Variants in IL33 observed in about 807,000 individuals in gnomAD.
The protein encoded by IL33 is interleukin 33.
A neutral mutation model predicts 27.3 loss-of-function variants in IL33; 37 were observed. The ratio of observed to expected loss-of-function variants is 1.36; its 90% CI spans 1.04 to 1.78. The LOEUF (loss-of-function observed/expected upper bound fraction) is 1.78. Ranked by LOEUF, IL33 falls within the 40% of genes most tolerant of loss-of-function variation. The probability of loss-of-function intolerance (pLI) is 0.00; values close to 1 mark genes in which losing one functional copy is unlikely to be tolerated. For missense variants in IL33, 406 were observed against 311.4 expected, an observed-to-expected ratio of 1.30 and a Z score of -2.29; for synonymous variants, 132 against 102.9, an observed-to-expected ratio of 1.28 and a Z score of -1.71.
At position 6,254,525 on chromosome 9, in the gene IL33, A is replaced by C; in HGVS notation, c.584A>C (p.His195Pro). The C allele has an allele frequency of 6.3e-7, 1 of 1,596,198 alleles. No homozygotes were observed. Among genetic ancestry groups the C allele is most frequent in the Non-Finnish European group, 8.6e-7 (1 of 1,169,326 alleles). ...TLSPTKDFWL[H>P]ANNKEHSVEL... ...AGTCCTACAAAAGACTTCTGGTTGCATGCCAACAACAAGGAACACTCTGTG... is the reference window on the plus strand; with the variant it reads ...AGTCCTACAAAAGACTTCTGGTTGCCTGCCAACAACAAGGAACACTCTGTG... The change falls in exon 7 of 8, where the codon CAT becomes CCT. Residue 195 changes from histidine to proline, a missense_variant. Coordinates refer to ENST00000682010, the MANE Select transcript of IL33 (RefSeq NM_033439.4).
At chr9:6,253,309 C>G (rs1005932963) in intron 5 of IL33, among the ~76,000 whole-genome samples, 2 of 152,168 alleles carry the variant, frequency 1.3e-5, no homozygotes, top group Admixed American at 6.6e-5. Flanking sequence ...ATTAGTATCA[C>G]CAAAGTACAA....
chr9:6,256,072 T>A lies in IL33; in HGVS notation c.717T>A (p.Phe239Leu). ...AATGCAAGACTGATCCTGGAGTGTT[T>A]ATAGGTGTAAAGGATAATCATCTTG... is the stretch of plus-strand genomic sequence containing the variant. Reference protein sequence around the residue: ...SFECKTDPGVFIGVKDNHLAL... With the variant: ...SFECKTDPGVLIGVKDNHLAL... The change falls in exon 8 of 8, where the codon TTT becomes TTA. Residue 239 changes from phenylalanine (F) to leucine (L), a missense_variant. Physicochemically the swap from Phe to Leu is conservative, Grantham distance 22. Transcript: ENST00000682010. 2.5e-6 allele frequency: 4 copies of A among 1,613,164 alleles called. No individual in the cohort carries two copies. The highest frequency in any genetic ancestry group is 3.4e-6 in the Non-Finnish European group (4 of 1,179,204).
At position 6,230,694 on chromosome 9, in the gene IL33, G is replaced by A. The variant is rs1427555572; in HGVS notation, c.-11-10990G>A. ...CCTGTCTTCTTCCACTGATTCCACT[G>A]GTATTGCTTCCAGTACCCAGCAATA... On this transcript the variant is annotated intron_variant, in intron 1 of 7. Transcript: ENST00000682010. Among the ~76,000 whole-genome samples, 3 of 152,056 alleles carry A rather than the reference G, an allele frequency of 2.0e-5. No individual in the cohort carries two copies. The East Asian group carries it at 5.8e-4, about 29-fold the overall frequency.
Position 6,255,962 on chromosome 9 carries a change from C to A in IL33, c.613-6C>A. Reference sequence around the variant, plus strand: ...ATATGGATTGCTTTCTCTCTTGTTTCCTCAGCTCCATAAGTGTGAAAAACC... The same window carrying A: ...ATATGGATTGCTTTCTCTCTTGTTTACTCAGCTCCATAAGTGTGAAAAACC... On this transcript the variant is annotated splice_polypyrimidine_tract_variant and splice_region_variant and intron_variant, in intron 7 of 7. Coordinates refer to ENST00000682010, the MANE Select transcript of IL33 (RefSeq NM_033439.4). 1 of 1,612,312 alleles carries A rather than the reference C, an allele frequency of 6.2e-7. No individual in the cohort carries two copies. Among genetic ancestry groups the A allele is most frequent in the South Asian group, 1.1e-5 (1 of 90,976 alleles).
Position 6,224,691 on chromosome 9 carries a change from A to C in IL33, c.-12+8839A>C, listed in dbSNP as rs12238755. Reference sequence around the variant, plus strand: ...TTTTGGCATGTATTTGTGGTGAATTATGAATAGAAATAATTTTTCATGCAT... The same window carrying C: ...TTTTGGCATGTATTTGTGGTGAATTCTGAATAGAAATAATTTTTCATGCAT... On this transcript the variant is annotated intron_variant, in intron 1 of 7. Coordinates refer to ENST00000682010, the MANE Select transcript of IL33 (RefSeq NM_033439.4). Among the ~76,000 whole-genome samples the C allele has an allele frequency of 5.6e-4, 86 of 152,340 alleles. No individual in the cohort carries two copies. The East Asian group carries it at 0.017, about 29-fold the overall frequency.
At chr9:6,245,991 A>C (rs1819819682) in intron 2 of IL33, among the ~76,000 whole-genome samples, 1 of 137,556 alleles carries the variant, frequency 7.3e-6, no homozygotes, top group Admixed American at 8.3e-5. Flanking sequence ...TGAACTCGGG[A>C]GGCAGAGCTT....
chr9:6,223,795 G>A (rs564659072), intron 1 of IL33, among the ~76,000 whole-genome samples: 1 of 152,166 alleles, frequency 6.6e-6, no homozygotes, highest in Non-Finnish European at 1.5e-5. Context: ...GACACTTTTT[G>A]CTCGCTTAAT....
chr9:6,249,188 C>T (rs1205415258), intron 2 of IL33, among the ~76,000 whole-genome samples: 1 of 152,094 alleles, frequency 6.6e-6, no homozygotes, highest in African/African-American at 2.4e-5. Context: ...TTAAAGGTAC[C>T]TACTCATCTG....
intron 1 of IL33, among the ~76,000 whole-genome samples, chr9:6,233,723 A>T (rs1156621167): frequency 6.6e-6 from 1 of 152,184 alleles, no homozygotes; most frequent in Non-Finnish European, 1.5e-5. Flanking sequence ...TTTCATTATT[A>T]TTAAGAAACT....
At chr9:6,237,815 AT>A (rs1819314546) in intron 1 of IL33, among the ~76,000 whole-genome samples, 1 of 152,240 alleles carries the variant, frequency 6.6e-6, no homozygotes, top group Non-Finnish European at 1.5e-5. Flanking sequence ...GGATATAAGT[AT>A]CTTTGGGTAG....
chr9:6,244,961 C>T (rs1819742429), intron 2 of IL33, among the ~76,000 whole-genome samples: 1 of 152,172 alleles, frequency 6.6e-6, no homozygotes. Flanking sequence ...GGCATTTTGC[C>T]TCTAATGCCA....
At chr9:6,223,331 A>C (rs1249142040) in intron 1 of IL33, among the ~76,000 whole-genome samples, 2 of 152,126 alleles carry the variant, frequency 1.3e-5, no homozygotes, top group East Asian at 1.9e-4. Context: ...CTGTTTTGCA[A>C]AAATAGAATA....
At chr9:6,248,441 A>G (rs1352850647) in intron 2 of IL33, among the ~76,000 whole-genome samples, 10 of 151,982 alleles carry the variant, frequency 6.6e-5, no homozygotes, top group Admixed American at 6.6e-4. Context: ...TGGGTTTGTT[A>G]TAAAAGTGAG....
rs1818737046 is a variant in IL33, at chr9:6,228,232, T to G, written c.-12+12380T>G. On this transcript the variant is annotated intron_variant, in intron 1 of 7. Transcript: ENST00000682010. ...TGGGTGACCAAGGCAGGAGGATCAC[T>G]TGAGGCCAGGAGTTCAAGGTTGCAA... is the stretch of plus-strand genomic sequence containing the variant. Among the ~76,000 whole-genome samples, 3 of 152,082 alleles carry G rather than the reference T, an allele frequency of 2.0e-5. No homozygotes were observed. In the South Asian group the frequency reaches 6.2e-4, roughly 32 times the overall value.
chr9:6,233,137 TG>T (rs1564056611), intron 1 of IL33, among the ~76,000 whole-genome samples: 1 of 152,244 alleles, frequency 6.6e-6, no homozygotes, highest in African/African-American at 2.4e-5. Flanking sequence ...TGAAACTCTA[TG>T]CTCACTGAAC....
intron 1 of IL33, among the ~76,000 whole-genome samples, chr9:6,236,407 T>G (rs55645596): frequency 0.11 from 16,690 of 152,184 alleles, 1,311 homozygotes; most frequent in Non-Finnish European, 0.16. Context: ...TTTTTTATAA[T>G]CAGAAAAAAA....
upstream of IL33, among the ~76,000 whole-genome samples, chr9:6,215,289 AT>A (rs1180174751): frequency 6.6e-6 from 1 of 152,190 alleles, no homozygotes. Flanking sequence ...TTTGAGATGA[AT>A]AGAAAGAAAA....
Position 6,255,990 on chromosome 9 carries a change from T to C in IL33, c.635T>C (p.Leu212Pro). Residue 212 changes from leucine to proline, a missense_variant, in exon 8 of 8, where the codon CTG becomes CCG. Physicochemically the swap from Leu to Pro is moderately conservative, Grantham distance 98. Coordinates refer to ENST00000682010, the MANE Select transcript of IL33 (RefSeq NM_033439.4). ...SVELHKCEKPLPDQAFFVLHN... is the reference protein window; with the variant it reads ...SVELHKCEKPPPDQAFFVLHN... The stretch of plus-strand genomic sequence containing the variant: ...CAGCTCCATAAGTGTGAAAAACCAC[T>C]GCCAGACCAGGCCTTCTTTGTCCTT... 1 of 1,613,666 alleles carries C rather than the reference T, an allele frequency of 6.2e-7. No individual in the cohort carries two copies. Among genetic ancestry groups the C allele is most frequent in the Non-Finnish European group, 8.5e-7 (1 of 1,179,634 alleles).
chr9:6,257,719 G>A lies in IL33; in HGVS notation c.*1551G>A, dbSNP rs1160127187. ...CTTTATTGAGACCTATTAGATGTAA[G>A]TGCTAGTAGAATATAAGATAAAAGA... is the stretch of plus-strand genomic sequence containing the variant. On this transcript the variant is annotated 3_prime_UTR_variant, in exon 8 of 8. Coordinates refer to ENST00000682010, the MANE Select transcript of IL33 (RefSeq NM_033439.4). 1 of 152,174 alleles carries A rather than the reference G, an allele frequency of 6.6e-6. No homozygotes were observed. Among genetic ancestry groups the A allele is most frequent in the Non-Finnish European group, 1.5e-5 (1 of 68,016 alleles). The allele number at this position is 152,174 out of a possible 1,614,324, so 9.4% of individuals were successfully genotyped here.
Sources: gnomAD v4.1 joint callset for allele counts (sites outside exome capture counted in the v4.1 genomes callset) on GRCh38, gnomAD v4.1.1 for gene constraint, MANE v1.5 for transcripts, NCBI Gene and HGNC (gene_info 2026-07-23, HGNC 2026-07-21) for gene names.